Variants in PLCL1 observed in about 807,000 individuals in gnomAD.
PLCL1 encodes phospholipase C like 1 (inactive).
PLCL1 carries 41 observed loss-of-function variants against 84.4 expected under a neutral mutation model. The observed-to-expected ratio is 0.49, with a 90% CI of 0.38 to 0.63. PLCL1 has a LOEUF of 0.63. Ranked by LOEUF, PLCL1 falls within the 30% of genes least tolerant of loss-of-function variation. The pLI is 0.00. For synonymous variants in PLCL1, 490 were observed against 488.3 expected (o/e 1.00, Z -0.05); for missense variants, 1,206 against 1,367.8 (o/e 0.88, Z 1.87).
chr2:198,090,499 G>C (rs953096094), intron 3 of PLCL1, among the ~76,000 whole-genome samples: 7 of 151,988 alleles, frequency 4.6e-5, no homozygotes, highest in Non-Finnish European at 1.0e-4. Context: ...TAAAAAACAA[G>C]TAGAAGAAAG....
chr2:198,096,339 T>C (rs898781010), intron 3 of PLCL1, among the ~76,000 whole-genome samples: 2 of 152,210 alleles, frequency 1.3e-5, no homozygotes, highest in African/African-American at 4.8e-5. Flanking sequence ...AGAATTTTAT[T>C]TCCAAATACA....
intron 1 of PLCL1, among the ~76,000 whole-genome samples, chr2:197,944,315 G>C (rs187180410): frequency 6.6e-6 from 1 of 152,288 alleles, no homozygotes; most frequent in East Asian, 1.9e-4. Context: ...GGGGTTGAAG[G>C]AACTTAGTGA....
At chr2:197,895,604 T>C (rs574165835) in intron 1 of PLCL1, among the ~76,000 whole-genome samples, 29 of 151,982 alleles carry the variant, frequency 1.9e-4, no homozygotes, top group Non-Finnish European at 2.8e-4. Flanking sequence ...TTTATATATA[T>C]GTACTTTAAA....
chr2:198,102,357 G>T (rs1693367967), intron 4 of PLCL1, among the ~76,000 whole-genome samples: 2 of 152,058 alleles, frequency 1.3e-5, no homozygotes, highest in Non-Finnish European at 2.9e-5. Context: ...AGAGATGTCA[G>T]GGTCTTTCCG....
At chr2:197,935,539 C>T (rs757820704) in intron 1 of PLCL1, among the ~76,000 whole-genome samples, 7 of 152,114 alleles carry the variant, frequency 4.6e-5, no homozygotes, top group Non-Finnish European at 7.4e-5. Context: ...TGCATATTCT[C>T]ACTTATAAGT....
intron 1 of PLCL1, among the ~76,000 whole-genome samples, chr2:197,832,694 A>G (rs1691092758): frequency 6.6e-6 from 1 of 152,238 alleles, no homozygotes; most frequent in South Asian, 2.1e-4. Context: ...GCAGAGACAA[A>G]ACAATAAAAG....
At chr2:198,108,062 C>T (rs753425578) in intron 5 of PLCL1, among the ~76,000 whole-genome samples, 2 of 151,844 alleles carry the variant, frequency 1.3e-5, no homozygotes, top group South Asian at 2.1e-4. Flanking sequence ...TTTTTCTATA[C>T]GATTCTTCCT....
intron 1 of PLCL1, among the ~76,000 whole-genome samples, chr2:198,083,124 C>G (rs1330571301): frequency 6.6e-6 from 1 of 152,224 alleles, no homozygotes; most frequent in Non-Finnish European, 1.5e-5. Flanking sequence ...TAACATTGCA[C>G]TGAAATGCAG....
At chr2:197,983,387 G>A (rs1369664440) in intron 1 of PLCL1, among the ~76,000 whole-genome samples, 4 of 151,324 alleles carry the variant, frequency 2.6e-5, no homozygotes, top group African/African-American at 4.8e-5. Context: ...GTACCACCAC[G>A]CTTGGCTAAT....
intron 1 of PLCL1, among the ~76,000 whole-genome samples, chr2:197,855,794 G>A (rs985429106): frequency 2.6e-5 from 4 of 152,080 alleles, no homozygotes; most frequent in African/African-American, 9.7e-5. Context: ...CCTGAATCCT[G>A]ATTCAGATGA....
intron 5 of PLCL1, among the ~76,000 whole-genome samples, chr2:198,124,024 A>G (rs1388308122): frequency 6.6e-6 from 1 of 152,114 alleles, no homozygotes; most frequent in Admixed American, 6.5e-5. Flanking sequence ...AGACTAATAC[A>G]GGGACCTAGG....
chr2:198,060,676 T>A (rs980106047), intron 1 of PLCL1, among the ~76,000 whole-genome samples: 2 of 152,206 alleles, frequency 1.3e-5, no homozygotes, highest in Admixed American at 6.5e-5. Context: ...TCTATAGAAC[T>A]TTTTGATTAG....
intron 1 of PLCL1, among the ~76,000 whole-genome samples, chr2:197,946,664 T>C (rs1689279427): frequency 6.6e-6 from 1 of 152,176 alleles, no homozygotes. Flanking sequence ...CCTGGCCTCC[T>C]CTCTACTTTC....
chr2:197,904,323 GT>G (rs1224858072), intron 1 of PLCL1, among the ~76,000 whole-genome samples: 2 of 152,018 alleles, frequency 1.3e-5, no homozygotes, highest in Non-Finnish European at 2.9e-5. Context: ...TGAATTTTGG[GT>G]TCTTTATTCC....
At chr2:197,814,017 T>C (rs1387651473) in intron 1 of PLCL1, among the ~76,000 whole-genome samples, 1 of 152,222 alleles carries the variant, frequency 6.6e-6, no homozygotes, top group African/African-American at 2.4e-5. Context: ...TATACATTTT[T>C]TCTCAGTTTC....
chr2:198,022,752 C>T (rs2105841177), intron 1 of PLCL1, among the ~76,000 whole-genome samples: 1 of 152,192 alleles, frequency 6.6e-6, no homozygotes, highest in South Asian at 2.1e-4. Flanking sequence ...TAAGAGAGAA[C>T]ACAAACAAAT....
intron 1 of PLCL1, among the ~76,000 whole-genome samples, chr2:198,060,000 G>A (rs1692154446): frequency 6.6e-6 from 1 of 152,186 alleles, no homozygotes; most frequent in African/African-American, 2.4e-5. Flanking sequence ...TGCACATACT[G>A]TTATGGGCCT....
At chr2:198,087,372 A>G (rs1021460010) in intron 2 of PLCL1, among the ~76,000 whole-genome samples, 6 of 152,142 alleles carry the variant, frequency 3.9e-5, no homozygotes, top group African/African-American at 1.4e-4. Flanking sequence ...AAAATTACTT[A>G]ATATACTTAT....
At chr2:197,876,414 A>T (rs1198392010) in intron 1 of PLCL1, among the ~76,000 whole-genome samples, 1 of 152,158 alleles carries the variant, frequency 6.6e-6, no homozygotes, top group Admixed American at 6.5e-5. Flanking sequence ...TTGATAGGTC[A>T]GTTAGATTTC....
Sources: gnomAD v4.1 joint callset for allele counts (sites outside exome capture counted in the v4.1 genomes callset) on GRCh38, gnomAD v4.1.1 for gene constraint, MANE v1.5 for transcripts, NCBI Gene and HGNC (gene_info 2026-07-23, HGNC 2026-07-21) for gene names.